WWOX: variants seen among roughly 807,000 people sequenced by gnomAD.
WWOX encodes the protein WW domain-containing oxidoreductase.
A neutral mutation model predicts 46.2 loss-of-function variants in WWOX; 69 were observed. That is an observed-to-expected ratio of 1.49 (90% confidence interval 1.23 to 1.82). The LOEUF is 1.82. Ranked by LOEUF, WWOX falls within the 40% of genes most tolerant of loss-of-function variation. The probability of loss-of-function intolerance (pLI) is 0.00; values close to 1 mark genes in which losing one functional copy is unlikely to be tolerated. For synonymous variants in WWOX, 359 were observed against 202.6 expected, an observed-to-expected ratio of 1.77 and a Z score of -6.56; for missense variants, 919 against 542.6, an observed-to-expected ratio of 1.69 and a Z score of -6.89.
At chr16:79,072,710 C>T (rs541271293) in intron 8 of WWOX, among the ~76,000 whole-genome samples, 1 of 152,220 alleles carries the variant, frequency 6.6e-6, no homozygotes, top group Admixed American at 6.5e-5. Context: ...ATCATCAGGG[C>T]CACAACAGCC....
intron 8 of WWOX, among the ~76,000 whole-genome samples, chr16:79,118,717 C>A (rs765896562): frequency 6.6e-6 from 1 of 152,200 alleles, no homozygotes; most frequent in Non-Finnish European, 1.5e-5. Flanking sequence ...CCATGCCTGC[C>A]TTCCAGTCTT....
chr16:78,652,597 G>T (rs541013567), intron 8 of WWOX, among the ~76,000 whole-genome samples: 2 of 152,170 alleles, frequency 1.3e-5, no homozygotes, highest in African/African-American at 2.4e-5. Flanking sequence ...GGGTCTCCCT[G>T]TGTTACCTGG....
At chr16:78,139,055 C>T (rs1395880178) in intron 4 of WWOX, among the ~76,000 whole-genome samples, 2 of 151,960 alleles carry the variant, frequency 1.3e-5, no homozygotes, top group Non-Finnish European at 2.9e-5. Context: ...TAGAATATTA[C>T]GTTCATTTAG....
At chr16:78,486,134 C>A (rs557078081) in intron 8 of WWOX, among the ~76,000 whole-genome samples, 1 of 152,212 alleles carries the variant, frequency 6.6e-6, no homozygotes, top group East Asian at 1.9e-4. Flanking sequence ...GAACAACCTG[C>A]TCTGTTGGCG....
intron 8 of WWOX, among the ~76,000 whole-genome samples, chr16:78,791,835 G>C (rs748810420): frequency 2.0e-5 from 3 of 152,060 alleles, no homozygotes; most frequent in African/African-American, 7.2e-5. Context: ...AGCCGAGATC[G>C]CGCCACTGCA....
chr16:79,019,525 C>T (rs901274830), intron 8 of WWOX, among the ~76,000 whole-genome samples: 1 of 152,040 alleles, frequency 6.6e-6, no homozygotes, highest in Admixed American at 6.6e-5. Context: ...TGCAGTCTGT[C>T]ATTGACTGAA....
At chr16:78,781,680 C>A (rs780220664) in intron 8 of WWOX, among the ~76,000 whole-genome samples, 3 of 152,128 alleles carry the variant, frequency 2.0e-5, no homozygotes, top group Non-Finnish European at 2.9e-5. Context: ...CTACCTGAAG[C>A]AAGAGAATCG....
At chr16:79,193,779 C>T (rs2051184747) in intron 8 of WWOX, among the ~76,000 whole-genome samples, 1 of 152,140 alleles carries the variant, frequency 6.6e-6, no homozygotes, top group Admixed American at 6.5e-5. Context: ...CCCAGCTCCT[C>T]ACAAAGGGGG....
At chr16:78,508,716 T>G (rs1032448762) in intron 8 of WWOX, among the ~76,000 whole-genome samples, 2 of 152,004 alleles carry the variant, frequency 1.3e-5, no homozygotes, top group African/African-American at 2.4e-5. Context: ...GGAGAAAGAG[T>G]TGGGAAGCAG....
chr16:78,357,930 T>C (rs1008514969), intron 5 of WWOX, among the ~76,000 whole-genome samples: 1 of 152,164 alleles, frequency 6.6e-6, no homozygotes, highest in Admixed American at 6.5e-5. Flanking sequence ...GTGGACGCAT[T>C]GAGTAGGAGA....
At chr16:78,103,848 G>T (rs910430992) in intron 1 of WWOX, among the ~76,000 whole-genome samples, 3 of 151,912 alleles carry the variant, frequency 2.0e-5, no homozygotes, top group African/African-American at 7.3e-5. Context: ...ACCCGGTCTT[G>T]TGTGGGTGCT....
At chr16:78,915,005 G>A (rs907131448) in intron 8 of WWOX, among the ~76,000 whole-genome samples, 2 of 151,978 alleles carry the variant, frequency 1.3e-5, no homozygotes, top group Admixed American at 1.3e-4. Flanking sequence ...TAAGATAGTG[G>A]TTCACACCAA....
intron 8 of WWOX, among the ~76,000 whole-genome samples, chr16:78,833,926 C>G (rs2051902816): frequency 6.6e-6 from 1 of 152,228 alleles, no homozygotes; most frequent in African/African-American, 2.4e-5. Context: ...TCTTTGAGGC[C>G]AAGGACTGTG....
chr16:79,053,825 TG>T (rs2048213538), intron 8 of WWOX, among the ~76,000 whole-genome samples: 1 of 152,170 alleles, frequency 6.6e-6, no homozygotes, highest in African/African-American at 2.4e-5. Context: ...TTCAGAAATT[TG>T]CAGCTTCTAT....
At chr16:78,582,846 C>A (rs2045096518) in intron 8 of WWOX, among the ~76,000 whole-genome samples, 1 of 152,182 alleles carries the variant, frequency 6.6e-6, no homozygotes, top group African/African-American at 2.4e-5. Flanking sequence ...ATGTCAGTTA[C>A]AAGAGGCCCT....
chr16:79,026,270 CAACTCCT>C (rs1441651456), intron 8 of WWOX, among the ~76,000 whole-genome samples: 3 of 151,766 alleles, frequency 2.0e-5, no homozygotes, highest in African/African-American at 7.3e-5. Context: ...TACCCTCGGT[CAACTCCT>C]AACTCCTGCC....
intron 8 of WWOX, among the ~76,000 whole-genome samples, chr16:79,002,273 G>A (rs1311894948): frequency 7.5e-6 from 1 of 132,572 alleles, no homozygotes; most frequent in African/African-American, 2.9e-5. Flanking sequence ...GCCCAGGCTG[G>A]AGTGCAATGG....
intron 8 of WWOX, among the ~76,000 whole-genome samples, chr16:79,170,598 A>C (rs13339084): frequency 0.03 from 3,878 of 129,468 alleles, 193 homozygotes; most frequent in African/African-American, 0.11. Flanking sequence ...CTATTGTAGA[A>C]AATAAAAATT....
chr16:78,308,386 C>A (rs143016937), intron 5 of WWOX, among the ~76,000 whole-genome samples: 3 of 152,064 alleles, frequency 2.0e-5, no homozygotes, highest in Non-Finnish European at 4.4e-5. Context: ...CTCATTATAC[C>A]CTTCTTTTTT....
Sources: gnomAD v4.1 joint callset for allele counts (sites outside exome capture counted in the v4.1 genomes callset) on GRCh38, gnomAD v4.1.1 for gene constraint, MANE v1.5 for transcripts, NCBI Gene and HGNC (gene_info 2026-07-23, HGNC 2026-07-21) for gene names.